Variants in ZNF641 observed in about 807,000 individuals in gnomAD.
ZNF641 encodes the protein zinc finger protein 641.
A neutral mutation model predicts 46.2 loss-of-function variants in ZNF641; 26 were observed. The ratio of observed to expected loss-of-function variants is 0.56; its 90% confidence interval spans 0.41 to 0.78. ZNF641 has a LOEUF of 0.78. Ranked by LOEUF, ZNF641 falls within the 30% of genes least tolerant of loss-of-function variation. The pLI is 0.00. For synonymous variants in ZNF641, 163 were observed against 187.9 expected (o/e 0.87, Z 1.09); for missense variants, 469 against 517.8 (o/e 0.91, Z 0.91).
rs1039564755 is a variant in ZNF641, at chr12:48,341,576, T to C, written c.*1397A>G. The C allele has an allele frequency of 7.1e-6, 7 of 985,350 alleles. No individual in the cohort carries two copies. The Admixed American group carries it at 4.3e-4, about 61-fold the overall frequency. 61.0% of individuals were successfully genotyped at this position (985,350 alleles called of 1,614,324 possible). ...CCCTAAAGTTCTGTTTCTGGGAGAA[T>C]GAGATCTTCAAGAATAACTCTTGCC... On this transcript the variant is annotated 3_prime_UTR_variant, in exon 6 of 6. Transcript: ENST00000547026.
chr12:48,335,776 T>C (rs147857443), downstream of ZNF641, among the ~76,000 whole-genome samples: 380 of 152,336 alleles, frequency 2.5e-3, 1 homozygote, highest in African/African-American at 8.8e-3. Flanking sequence ...AATGACTAAG[T>C]GCCTGCAAGA....
chr12:48,340,427 C>A lies in ZNF641; in HGVS notation c.*2546G>T, dbSNP rs1432821022. On this transcript the variant is annotated 3_prime_UTR_variant, in exon 6 of 6. Coordinates refer to ENST00000547026, the MANE Select transcript of ZNF641 (RefSeq NM_001172681.2). ...TCCTTCAAACAAGATTTGTGAGGAG[C>A]TGGATTTGTCAGCATGTCAGATCTT... The A allele has an allele frequency of 2.0e-6, 2 of 985,300 alleles. No homozygotes were observed. Among genetic ancestry groups the A allele is most frequent in the Non-Finnish European group, 1.2e-6 (1 of 829,938 alleles). The allele number at this position is 985,300 out of a possible 1,614,324, so 61.0% of individuals were successfully genotyped here.
downstream of ZNF641, among the ~76,000 whole-genome samples, chr12:48,336,790 G>T (rs1952609229): frequency 6.6e-6 from 1 of 152,206 alleles, no homozygotes; most frequent in Admixed American, 6.5e-5. Flanking sequence ...GCACTCAACA[G>T]ATCTTCAAGA....
In ZNF641 at chr12:48,350,861, C is replaced by T. The variant is rs1228843275; in HGVS notation, c.-101G>A. On this transcript the variant is annotated 5_prime_UTR_variant, in exon 1 of 6. Coordinates refer to ENST00000547026, the MANE Select transcript of ZNF641 (RefSeq NM_001172681.2). The stretch of plus-strand genomic sequence containing the variant: ...GCCCCTCCCCTCCGCCCTCCGCTTG[C>T]GTCTGGGAGCCGGCGGCCGGCGGAG... 1.6e-5 allele frequency: 16 copies of T among 985,122 alleles called. No individual in the cohort carries two copies. Among genetic ancestry groups the T allele is most frequent in the Non-Finnish European group, 1.9e-5 (16 of 829,798 alleles). The allele number at this position is 985,122 out of a possible 1,614,324, so 61.0% of individuals were successfully genotyped here.
downstream of ZNF641, among the ~76,000 whole-genome samples, chr12:48,335,123 C>T (rs1346895446): frequency 6.6e-6 from 1 of 152,194 alleles, no homozygotes. Flanking sequence ...TTTACCCCTC[C>T]CATTATGACA....
rs757559596 is a variant in ZNF641 at position 48,343,287 on chromosome 12, G to A, written c.961C>T (p.Leu321=). Residue 321 remains leucine (L), a synonymous_variant, in exon 6 of 6, where the codon CTG becomes TTG. Transcript: ENST00000547026. ...GCATGCACTCTCTGGTGGCTGGCCA[G>A]ATGGGAGTTGCATCGGAAATTCTTA... ...CGKNFRCNSH[L]ASHQRVHAEG... 5.0e-6 allele frequency: 8 copies of A among 1,614,262 alleles called. No individual in the cohort carries two copies. The highest frequency in any genetic ancestry group is 1.7e-5 in the Admixed American group (1 of 60,032).
At position 48,343,508 on chromosome 12, in the gene ZNF641, A is replaced by G. The variant is rs1952776743; in HGVS notation, c.740T>C (p.Leu247Ser). Reference protein sequence around the residue: ...LLCSTEMDSLLRPHTCPQCGK... With the variant: ...LLCSTEMDSLSRPHTCPQCGK... ...ACACTGGGGGCATGTGTGGGGTCTT[A>G]ACAGGGAATCCATCTCTGTGCTACA... Residue 247 changes from leucine (L) to serine (S), a missense_variant, in exon 6 of 6, where the codon TTA (leucine) becomes TCA (serine). Coordinates refer to ENST00000547026, the MANE Select transcript of ZNF641 (RefSeq NM_001172681.2). 14 of 1,613,348 alleles carry G rather than the reference A, an allele frequency of 8.7e-6. No homozygotes were observed. Among genetic ancestry groups the G allele is most frequent in the African/African-American group, 1.3e-5 (1 of 75,040 alleles).
Position 48,342,685 on chromosome 12 carries a change from G to T in ZNF641, c.*288C>A. 1.1e-6 allele frequency: 1 copy of T among 880,186 alleles called. No homozygotes were observed. 54.5% of individuals were successfully genotyped at this position (880,186 alleles called of 1,614,324 possible). A position where few individuals can be genotyped will look rare whatever the true frequency, so the allele number is the denominator to read the frequency against. On this transcript the variant is annotated 3_prime_UTR_variant, in exon 6 of 6. Coordinates refer to ENST00000547026, the MANE Select transcript of ZNF641 (RefSeq NM_001172681.2). ...CTCCAACCAATCAGAATGGATTTCA[G>T]CCATAAACTGCCAGTACCACTCTCC...
Position 48,340,278 on chromosome 12 carries a change from T to G in ZNF641, c.*2695A>C. On this transcript the variant is annotated 3_prime_UTR_variant, in exon 6 of 6. Transcript: ENST00000547026. ...GATGCCTTTCAGCTGGGTGCTATAC[T>G]TGCACCTAACTCTGGGGGCTTCACT... 2 of 985,438 alleles carry G rather than the reference T, an allele frequency of 2.0e-6. No individual in the cohort carries two copies. The highest frequency in any genetic ancestry group is 2.4e-6 in the Non-Finnish European group (2 of 829,932). The allele number at this position is 985,438 out of a possible 1,614,324, so 61.0% of individuals were successfully genotyped here. A position where few individuals can be genotyped will look rare whatever the true frequency, so the allele number is the denominator to read the frequency against.
chr12:48,335,263 C>A (rs1170780672), downstream of ZNF641, among the ~76,000 whole-genome samples: 1 of 152,208 alleles, frequency 6.6e-6, no homozygotes. Flanking sequence ...CTCTGCCTTA[C>A]TTACTCTCTG....
Position 48,345,422 on chromosome 12 carries a change from C to T in ZNF641, c.329G>A (p.Arg110Gln), listed in dbSNP as rs778557087. ...VSLCFSQEEW[R>Q]SLDPSQTDFY... ...GTCTGTCTGAGAGGGGTCCAGGCTC[C>T]GCCACTCCTCCTGAGAGAAGCACAG... The change falls in exon 4 of 6, where the codon CGG becomes CAG. Residue 110 changes from arginine (R) to glutamine (Q), a missense_variant. Physicochemically the swap from Arg to Gln is conservative, Grantham distance 43. Transcript: ENST00000547026. The T allele has an allele frequency of 8.1e-6, 13 of 1,614,048 alleles. No homozygotes were observed. Among genetic ancestry groups the T allele is most frequent in the Non-Finnish European group, 1.1e-5 (13 of 1,180,020 alleles).
Position 48,340,013 on chromosome 12 carries a change from C to T in ZNF641, c.*2960G>A. ...TCCTGAAGATGATATCCCTGTTTTA[C>T]ATTTTGCCCAAAGAGAACACAGAGA... is the stretch of plus-strand genomic sequence containing the variant. On this transcript the variant is annotated 3_prime_UTR_variant, in exon 6 of 6. Coordinates refer to ENST00000547026, the MANE Select transcript of ZNF641 (RefSeq NM_001172681.2). 2 of 985,416 alleles carry T rather than the reference C, an allele frequency of 2.0e-6. No individual in the cohort carries two copies. Among genetic ancestry groups the T allele is most frequent in the South Asian group, 4.7e-5 (1 of 21,282 alleles). 61.0% of individuals were successfully genotyped at this position (985,416 alleles called of 1,614,324 possible). A position where few individuals can be genotyped will look rare whatever the true frequency, so the allele number is the denominator to read the frequency against.
chr12:48,337,535 T>A lies in ZNF641; in HGVS notation c.*5438A>T, dbSNP rs2136164103. On this transcript the variant is annotated 3_prime_UTR_variant, in exon 6 of 6. Transcript: ENST00000547026. ...AAAAAATTGCTTGTAGAATTGAGAG[T>A]TTGGGCTGGGCGCGGTGGCTCAGGC... is the stretch of plus-strand genomic sequence containing the variant. The A allele has an allele frequency of 6.6e-6, 1 of 151,694 alleles. No individual in the cohort carries two copies. Among genetic ancestry groups the A allele is most frequent in the South Asian group, 2.1e-4 (1 of 4,780 alleles). 9.4% of individuals were successfully genotyped at this position (151,694 alleles called of 1,614,324 possible). A position where few individuals can be genotyped will look rare whatever the true frequency, so the allele number is the denominator to read the frequency against.
downstream of ZNF641, among the ~76,000 whole-genome samples, chr12:48,335,484 T>A (rs931367339): frequency 1.3e-5 from 2 of 152,246 alleles, no homozygotes; most frequent in Admixed American, 6.5e-5. Flanking sequence ...TTTCAAACTT[T>A]CATTCATTCA....
chr12:48,342,797 G>A lies in ZNF641; in HGVS notation c.*176C>T. 1 of 1,421,116 alleles carries A rather than the reference G, an allele frequency of 7.0e-7. No homozygotes were observed. Among genetic ancestry groups the A allele is most frequent in the Non-Finnish European group, 9.1e-7 (1 of 1,093,046 alleles). 88.0% of individuals were successfully genotyped at this position (1,421,116 alleles called of 1,614,324 possible). A position where few individuals can be genotyped will look rare whatever the true frequency, so the allele number is the denominator to read the frequency against. On this transcript the variant is annotated 3_prime_UTR_variant, in exon 6 of 6. Coordinates refer to ENST00000547026, the MANE Select transcript of ZNF641 (RefSeq NM_001172681.2). ...TGCCCAAAGAACTCTATTTTTATGTGCTATCTCACAGAACTGGTGAGAAAT... is the reference window on the plus strand; with the variant it reads ...TGCCCAAAGAACTCTATTTTTATGTACTATCTCACAGAACTGGTGAGAAAT...
intron 5 of ZNF641, among the ~76,000 whole-genome samples, chr12:48,344,074 ATTG>A (rs1282396506): frequency 1.3e-5 from 2 of 152,204 alleles, no homozygotes; most frequent in African/African-American, 2.4e-5. Flanking sequence ...TGTATATGTT[ATTG>A]TTATTATTTA....
Position 48,348,542 on chromosome 12 carries a change from G to A in ZNF641, c.-25-427C>T, listed in dbSNP as rs543410686. On this transcript the variant is annotated intron_variant, in intron 1 of 5. Transcript: ENST00000547026. ...TCAACAAGATGGATGTAATCACACA[G>A]AAGATTTTCTGCCACAAATCACAGT... Among the ~76,000 whole-genome samples the A allele has an allele frequency of 2.2e-5, 3 of 135,630 alleles. No homozygotes were observed. In the East Asian group the frequency reaches 5.8e-4, roughly 26 times the overall value. The allele number at this position is 135,630 out of a possible 152,430, so 89.0% of individuals were successfully genotyped here.
At position 48,337,639 on chromosome 12, in the gene ZNF641, T is replaced by G. The variant is rs971578900; in HGVS notation, c.*5334A>C. On this transcript the variant is annotated 3_prime_UTR_variant, in exon 6 of 6. Transcript: ENST00000547026. ...ATTGAGACCATCCTGGCTAACACCG[T>G]GAAACCCCGTCTCTACTAAAAAAAA... 1 of 140,142 alleles carries G rather than the reference T, an allele frequency of 7.1e-6. No homozygotes were observed. The highest frequency in any genetic ancestry group is 1.5e-5 in the Non-Finnish European group (1 of 65,710). 8.7% of individuals were successfully genotyped at this position (140,142 alleles called of 1,614,324 possible).
chr12:48,344,080 ATTAT>A (rs1295782911), intron 5 of ZNF641, among the ~76,000 whole-genome samples: 1 of 152,174 alleles, frequency 6.6e-6, no homozygotes, highest in Non-Finnish European at 1.5e-5. Context: ...TGTTATTGTT[ATTAT>A]TTATTACCAT....
Sources: allele counts gnomAD v4.1 joint callset (sites outside exome capture counted in the v4.1 genomes callset), GRCh38; gene constraint gnomAD v4.1.1; transcripts MANE v1.5; gene names NCBI Gene and HGNC (gene_info 2026-07-23, HGNC 2026-07-21).